Variants in CCL22 observed in about 807,000 individuals in gnomAD.
The protein encoded by CCL22 is C-C motif chemokine 22.
Under a neutral mutation model 7.6 loss-of-function variants are expected in CCL22, and 7 were observed. That is an observed-to-expected ratio of 0.92 (90% CI 0.52 to 1.72). CCL22 has a LOEUF of 1.72. Ranked by LOEUF, CCL22 falls within the 40% of genes most tolerant of loss-of-function variation. CCL22 has a pLI of 0.00. For synonymous variants in CCL22, 55 were observed against 47.2 expected, an observed-to-expected ratio of 1.17 and a Z score of -0.68; for missense variants, 115 against 124.7, an observed-to-expected ratio of 0.92 and a Z score of 0.37.
chr16:57,360,132 T>G (rs1902031887), intron 1 of CCL22, among the ~76,000 whole-genome samples: 1 of 152,202 alleles, frequency 6.6e-6, no homozygotes, highest in South Asian at 2.1e-4. Context: ...GCTGGTACTG[T>G]TATTACCCCT....
Position 57,363,877 on chromosome 16 carries a change from G to A in CCL22, c.*289G>A. ...TGACTCCCCACTGCCCTAAGCTGAG[G>A]TCAGTCTCCCAAGCCTGGCATGTGG... On this transcript the variant is annotated 3_prime_UTR_variant, in exon 3 of 3. Transcript: ENST00000219235. The A allele has an allele frequency of 6.2e-6, 2 of 322,912 alleles. No homozygotes were observed. Among genetic ancestry groups the A allele is most frequent in the Non-Finnish European group, 1.2e-5 (2 of 171,208 alleles). 20.0% of individuals were successfully genotyped at this position (322,912 alleles called of 1,614,324 possible).
rs1327285528 is a variant in CCL22 at position 57,365,370 on chromosome 16, G to C, written c.*1782G>C. On this transcript the variant is annotated 3_prime_UTR_variant, in exon 3 of 3. Transcript: ENST00000219235. ...AGTTATATATGTATTTGAAAACAGAGTAAATACTTAAGAGGCCAAATAGAT... is the reference window on the plus strand; with the variant it reads ...AGTTATATATGTATTTGAAAACAGACTAAATACTTAAGAGGCCAAATAGAT... The C allele has an allele frequency of 1.3e-5, 2 of 152,204 alleles. No individual in the cohort carries two copies. The highest frequency in any genetic ancestry group is 2.9e-5 in the Non-Finnish European group (2 of 68,054). 9.4% of individuals were successfully genotyped at this position (152,204 alleles called of 1,614,324 possible).
upstream of CCL22, among the ~76,000 whole-genome samples, chr16:57,358,001 G>A (rs992085044): frequency 1.3e-5 from 2 of 152,212 alleles, no homozygotes; most frequent in Admixed American, 6.5e-5. Context: ...CACTCACGCT[G>A]GCTGCTGCAG....
chr16:57,361,401 A>G (rs1469679093), intron 2 of CCL22, among the ~76,000 whole-genome samples: 2 of 152,142 alleles, frequency 1.3e-5, no homozygotes, highest in South Asian at 2.1e-4. Context: ...AGTGCCAGGC[A>G]CTGTTCTGAT....
chr16:57,359,320 T>C (rs183026032), intron 1 of CCL22, among the ~76,000 whole-genome samples: 6 of 152,202 alleles, frequency 3.9e-5, no homozygotes, highest in Admixed American at 3.9e-4. Flanking sequence ...TATTTTATTT[T>C]ATTTTATTTT....
At position 57,365,041 on chromosome 16, in the gene CCL22, A is replaced by T. The variant is rs1438259926; in HGVS notation, c.*1453A>T. 2 of 151,990 alleles carry T rather than the reference A, an allele frequency of 1.3e-5. No individual in the cohort carries two copies. The highest frequency in any genetic ancestry group is 4.8e-5 in the African/African-American group (2 of 41,312). The allele number at this position is 151,990 out of a possible 1,614,324, so 9.4% of individuals were successfully genotyped here. ...GGTCTTGAACTCCTGACCTCAAGTG[A>T]TCCACCTTCCTTGTGCTCCCAAAGT... On this transcript the variant is annotated 3_prime_UTR_variant, in exon 3 of 3. Coordinates refer to ENST00000219235, the MANE Select transcript of CCL22 (RefSeq NM_002990.5).
intron 2 of CCL22, among the ~76,000 whole-genome samples, chr16:57,361,762 T>C (rs1382028722): frequency 1.3e-5 from 2 of 152,128 alleles, no homozygotes; most frequent in Non-Finnish European, 2.9e-5. Flanking sequence ...GAGGCTGGGT[T>C]TGGGGACTCA....
At chr16:57,360,416 C>T (rs766603825) in intron 1 of CCL22, 21 bp from the exon 2 acceptor site, 1 of 1,613,900 alleles carries the variant, frequency 6.2e-7, no homozygotes, top group Non-Finnish European at 8.5e-7. Flanking sequence ...CTTGTGAATT[C>T]ACTGGGGACC....
rs1902096530 is a variant in CCL22 at position 57,365,270 on chromosome 16, C to T, written c.*1682C>T. Reference sequence around the variant, plus strand: ...ACCCCCCATTCCACTTTCCCTGCCTCCTTCCTTAAATAGCTGACAATCAAA... The same window carrying T: ...ACCCCCCATTCCACTTTCCCTGCCTTCTTCCTTAAATAGCTGACAATCAAA... On this transcript the variant is annotated 3_prime_UTR_variant, in exon 3 of 3. Coordinates refer to ENST00000219235, the MANE Select transcript of CCL22 (RefSeq NM_002990.5). The T allele has an allele frequency of 1.3e-5, 2 of 152,230 alleles. No individual in the cohort carries two copies. Among genetic ancestry groups the T allele is most frequent in the African/African-American group, 4.8e-5 (2 of 41,446 alleles). The allele number at this position is 152,230 out of a possible 1,614,324, so 9.4% of individuals were successfully genotyped here. A position where few individuals can be genotyped will look rare whatever the true frequency, so the allele number is the denominator to read the frequency against.
rs1902092326 is a variant in CCL22 at position 57,364,956 on chromosome 16, C to T, written c.*1368C>T. The T allele has an allele frequency of 6.6e-6, 1 of 151,952 alleles. No homozygotes were observed. Among genetic ancestry groups the T allele is most frequent in the Admixed American group, 6.6e-5 (1 of 15,224 alleles). The allele number at this position is 151,952 out of a possible 1,614,324, so 9.4% of individuals were successfully genotyped here. A position where few individuals can be genotyped will look rare whatever the true frequency, so the allele number is the denominator to read the frequency against. Reference sequence around the variant, plus strand: ...TAGCTGGGATTACAGGTGTGTGCCACTACGGCTGGCTAATTTTTGTATTTT... The same window carrying T: ...TAGCTGGGATTACAGGTGTGTGCCATTACGGCTGGCTAATTTTTGTATTTT... On this transcript the variant is annotated 3_prime_UTR_variant, in exon 3 of 3. Transcript: ENST00000219235.
chr16:57,360,318 T>G, intron 1 of CCL22, 119 bp from the exon 2 acceptor site: 3 of 1,269,654 alleles, frequency 2.4e-6, no homozygotes, highest in Admixed American at 4.3e-5. Context: ...TCCTTCCACA[T>G]GAGAACAGAA....
At chr16:57,362,295 A>T (rs998338587) in intron 2 of CCL22, among the ~76,000 whole-genome samples, 1 of 151,666 alleles carries the variant, frequency 6.6e-6, no homozygotes, top group Admixed American at 6.6e-5. Context: ...CAGCCTGGAA[A>T]CTTACTGAGA....
Position 57,360,537 on chromosome 16 carries a change from C to CTCCT in CCL22, c.175_178dup (p.Cys60PhefsTer15). 6.2e-7 allele frequency: 1 copy of CTCCT among 1,614,196 alleles called. No homozygotes were observed. The highest frequency in any genetic ancestry group is 8.5e-7 in the Non-Finnish European group (1 of 1,180,028). Reference sequence around the variant, plus strand: ...TGAAACACTTCTACTGGACCTCAGACTCCTGCCCGAGGCCTGGCGTGGTGT... The same window carrying CTCCT: ...TGAAACACTTCTACTGGACCTCAGACTCCTTCCTGCCCGAGGCCTGGCGTGGTGT... On this transcript the variant is annotated frameshift_variant, in exon 2 of 3. Transcript: ENST00000219235. LOFTEE classifies it low-confidence loss of function (END_TRUNC).
At position 57,363,631 on chromosome 16, in the gene CCL22, G is replaced by C. The variant is rs1902073725; in HGVS notation, c.*43G>C. On this transcript the variant is annotated 3_prime_UTR_variant, in exon 3 of 3. Transcript: ENST00000219235. ...CCGTGGCCTTGGCTCCTCCAGGAAG[G>C]CTCAGGAGCCCTACCTCCCTGCCAT... 2.3e-6 allele frequency: 3 copies of C among 1,298,174 alleles called. No homozygotes were observed. The highest frequency in any genetic ancestry group is 3.4e-6 in the Non-Finnish European group (3 of 894,270). The allele number at this position is 1,298,174 out of a possible 1,614,324, so 80.4% of individuals were successfully genotyped here. A position where few individuals can be genotyped will look rare whatever the true frequency, so the allele number is the denominator to read the frequency against.
intron 2 of CCL22, among the ~76,000 whole-genome samples, chr16:57,361,291 A>G (rs1408047674): frequency 5.3e-5 from 8 of 149,684 alleles, no homozygotes; most frequent in Non-Finnish European, 1.2e-4. Flanking sequence ...TGCTCACACC[A>G]GAAGTGTCTT....
Position 57,358,909 on chromosome 16 carries a change from A to G in CCL22, c.73+20A>G. ...AGGCAGGTGAGGCTGGGGAGCAGGAAGACCCCCTACAGAGGCCAGGGCAGA... is the reference window on the plus strand; with the variant it reads ...AGGCAGGTGAGGCTGGGGAGCAGGAGGACCCCCTACAGAGGCCAGGGCAGA... On this transcript the variant is annotated intron_variant, in intron 1 of 2. Coordinates refer to ENST00000219235, the MANE Select transcript of CCL22 (RefSeq NM_002990.5). The G allele has an allele frequency of 6.2e-7, 1 of 1,601,844 alleles. No homozygotes were observed. Among genetic ancestry groups the G allele is most frequent in the Non-Finnish European group, 8.5e-7 (1 of 1,169,976 alleles).
intron 1 of CCL22, among the ~76,000 whole-genome samples, chr16:57,359,410 G>A (rs1297564206): frequency 2.0e-5 from 3 of 151,518 alleles, no homozygotes; most frequent in Non-Finnish European, 4.4e-5. Context: ...CTACCTCCCA[G>A]GTTCAAGCGA....
chr16:57,363,370 A>T (rs1267281627), intron 2 of CCL22, 134 bp from the exon 3 acceptor site: 1 of 617,536 alleles, frequency 1.6e-6, no homozygotes. Context: ...AGATAATGTC[A>T]TATGTAGTAG....
At chr16:57,358,033 G>T (rs546870948), upstream of CCL22, among the ~76,000 whole-genome samples, 14 of 152,308 alleles carry the variant, frequency 9.2e-5, 1 homozygote, top group South Asian at 1.2e-3. Flanking sequence ...CATTGAGGAG[G>T]CCAGCATCCC....
Sources: allele counts gnomAD v4.1 joint callset (sites outside exome capture counted in the v4.1 genomes callset), GRCh38; gene constraint gnomAD v4.1.1; transcripts MANE v1.5; gene names NCBI Gene and HGNC (gene_info 2026-07-23, HGNC 2026-07-21).